ZNF365: variants seen among roughly 807,000 people sequenced by gnomAD.
ZNF365 encodes zinc finger protein 365.
ZNF365 carries 22 observed loss-of-function variants against 35.0 expected under a neutral mutation model. The observed-to-expected ratio is 0.63, with a 90% confidence interval of 0.45 to 0.90. ZNF365 has a LOEUF of 0.90. Among genes scored for constraint, ZNF365 ranks in the 40% least tolerant of loss-of-function variants. The pLI is 0.00. For synonymous variants in ZNF365, 188 were observed against 196.2 expected (o/e 0.96, Z 0.35); for missense variants, 448 against 500.3 (o/e 0.90, Z 1.00).
intron 3 of ZNF365, among the ~76,000 whole-genome samples, chr10:62,394,902 A>T (rs1418897167): frequency 1.3e-5 from 2 of 152,202 alleles, no homozygotes; most frequent in African/African-American, 4.8e-5. Context: ...GGAGATGAGG[A>T]TCTACACTGC....
intron 3 of ZNF365, among the ~76,000 whole-genome samples, chr10:62,427,531 G>A (rs140915302): frequency 6.6e-6 from 1 of 152,252 alleles, no homozygotes; most frequent in East Asian, 1.9e-4. Flanking sequence ...TTAAGGATGC[G>A]TGACTTACAC....
Position 62,400,388 on chromosome 10 carries a change from A to G in ZNF365, c.*599A>G. Reference sequence around the variant, plus strand: ...GTCAGACTTCAGTTCTCATTCCGACAGGGTGTCTTTCAGTTCGTTTGTTTG... The same window carrying G: ...GTCAGACTTCAGTTCTCATTCCGACGGGGTGTCTTTCAGTTCGTTTGTTTG... On this transcript the variant is annotated 3_prime_UTR_variant, in exon 5 of 5. Coordinates refer to ENST00000395254, the MANE Select transcript of ZNF365 (RefSeq NM_014951.3). 1.0e-6 allele frequency: 1 copy of G among 986,118 alleles called. No individual in the cohort carries two copies. The highest frequency in any genetic ancestry group is 1.2e-6 in the Non-Finnish European group (1 of 830,086). The allele number at this position is 986,118 out of a possible 1,614,324, so 61.1% of individuals were successfully genotyped here.
intron 4 of ZNF365, among the ~76,000 whole-genome samples, chr10:62,477,763 AAAGAGACATGGTGACCC>A (rs1383518937): frequency 3.9e-5 from 6 of 152,154 alleles, no homozygotes; most frequent in African/African-American, 1.4e-4. Flanking sequence ...ATGGCAGAGA[AAAGAGACATGGTGACCC>A]ATGTCTCTCA....
At chr10:62,431,761 A>G (rs7907542) in intron 3 of ZNF365, among the ~76,000 whole-genome samples, 96,527 of 152,044 alleles carry the variant, frequency 0.63, 31,046 homozygotes, top group East Asian at 0.84. Flanking sequence ...ATTTTAAGAA[A>G]GATTTTCCTA....
intron 4 of ZNF365, among the ~76,000 whole-genome samples, chr10:62,470,564 G>T (rs1356306533): frequency 6.6e-6 from 1 of 152,188 alleles, no homozygotes; most frequent in African/African-American, 2.4e-5. Flanking sequence ...ATTTAGGTTA[G>T]ATACAAATCT....
chr10:62,417,415 A>C (rs1474315227), intron 3 of ZNF365, among the ~76,000 whole-genome samples: 3 of 152,044 alleles, frequency 2.0e-5, no homozygotes, highest in Non-Finnish European at 4.4e-5. Context: ...CATTCTCATC[A>C]ATTTGCTAAT....
At chr10:62,410,727 TG>T (rs1311898652) in intron 3 of ZNF365, among the ~76,000 whole-genome samples, 1 of 152,146 alleles carries the variant, frequency 6.6e-6, no homozygotes, top group African/African-American at 2.4e-5. Flanking sequence ...TAGTATTCCA[TG>T]GTATATATGT....
chr10:62,466,168 C>T (rs1042481233), intron 4 of ZNF365, among the ~76,000 whole-genome samples: 15 of 152,188 alleles, frequency 9.9e-5, no homozygotes, highest in Admixed American at 5.9e-4. Context: ...TGGGGCTTCC[C>T]GAACCTGAGC....
intron 3 of ZNF365, among the ~76,000 whole-genome samples, chr10:62,415,971 T>A (rs12264590): frequency 4.6e-5 from 7 of 152,200 alleles, no homozygotes; most frequent in Non-Finnish European, 1.0e-4. Context: ...TTAATCTATA[T>A]TTTATTCCGT....
intron 3 of ZNF365, among the ~76,000 whole-genome samples, chr10:62,414,959 G>C (rs1380857342): frequency 6.6e-6 from 1 of 152,050 alleles, no homozygotes; most frequent in Non-Finnish European, 1.5e-5. Context: ...CCTGTCTTCT[G>C]TGTCTAATCA....
In ZNF365 at chr10:62,376,821, G is replaced by C. The variant is rs767202651; in HGVS notation, c.628G>C (p.Glu210Gln). 6.2e-7 allele frequency: 1 copy of C among 1,614,206 alleles called. No homozygotes were observed. Among genetic ancestry groups the C allele is most frequent in the Non-Finnish European group, 8.5e-7 (1 of 1,180,040 alleles). ...TGTGCAGCTGACTCAGAAAAAGCAG[G>C]AAGTTCAGAGACGAGAGCGGGCCTT... ...AFVQLTQKKQ[E>Q]VQRRERALNR... The change falls in exon 2 of 5, where the codon GAA becomes CAA. Residue 210 changes from glutamate to glutamine, a missense_variant. Coordinates refer to ENST00000395254, the MANE Select transcript of ZNF365 (RefSeq NM_014951.3).
chr10:62,478,418 C>T (rs1321756513), intron 4 of ZNF365, among the ~76,000 whole-genome samples: 5 of 152,200 alleles, frequency 3.3e-5, no homozygotes, highest in African/African-American at 1.2e-4. Context: ...TAGCCCTTTG[C>T]TCTATCCTAT....
chr10:62,463,825 T>C (rs575382989), intron 4 of ZNF365, among the ~76,000 whole-genome samples: 3 of 152,314 alleles, frequency 2.0e-5, no homozygotes, highest in Non-Finnish European at 4.4e-5. Flanking sequence ...GGATTTCTAG[T>C]AGAAGGACTT....
At chr10:62,466,232 G>A (rs569319280) in intron 4 of ZNF365, among the ~76,000 whole-genome samples, 1 of 152,340 alleles carries the variant, frequency 6.6e-6, no homozygotes, top group South Asian at 2.1e-4. Flanking sequence ...GCATCTCCAA[G>A]CTTTCAGGTG....
chr10:62,419,170 G>A (rs1264671555), intron 3 of ZNF365, among the ~76,000 whole-genome samples: 1 of 152,086 alleles, frequency 6.6e-6, no homozygotes, highest in African/African-American at 2.4e-5. Flanking sequence ...TGTAACATAT[G>A]TTACATGGCC....
intron 3 of ZNF365, among the ~76,000 whole-genome samples, chr10:62,408,147 T>C (rs1839931893): frequency 6.6e-6 from 1 of 152,136 alleles, no homozygotes; most frequent in African/African-American, 2.4e-5. Flanking sequence ...AGTTTCCTCA[T>C]CTGGAAAATA....
At chr10:62,379,040 T>TTTTTTA (rs1839384355) in intron 2 of ZNF365, among the ~76,000 whole-genome samples, 1 of 151,696 alleles carries the variant, frequency 6.6e-6, no homozygotes, top group African/African-American at 2.4e-5. Context: ...TTTTTTTTTT[T>TTTTTTA]GAGACAGAGT....
At chr10:62,382,055 G>A (rs1839448654) in intron 2 of ZNF365, among the ~76,000 whole-genome samples, 1 of 152,158 alleles carries the variant, frequency 6.6e-6, no homozygotes, top group Non-Finnish European at 1.5e-5. Context: ...AGGTCATTAG[G>A]GTGTATGACA....
At chr10:62,392,568 C>T (rs1839648562) in intron 3 of ZNF365, among the ~76,000 whole-genome samples, 1 of 152,056 alleles carries the variant, frequency 6.6e-6, no homozygotes, top group Non-Finnish European at 1.5e-5. Flanking sequence ...GGCTTTATTT[C>T]TGTGTTCTCT....
Sources: gnomAD v4.1 joint callset for allele counts (sites outside exome capture counted in the v4.1 genomes callset) on GRCh38, gnomAD v4.1.1 for gene constraint, MANE v1.5 for transcripts, NCBI Gene and HGNC (gene_info 2026-07-23, HGNC 2026-07-21) for gene names.